MMP25: variants seen among roughly 807,000 people sequenced by gnomAD.
MMP25 encodes matrix metallopeptidase 25, also known as matrix metalloproteinase-25.
In MMP25, 68 loss-of-function variants were observed where a neutral mutation model predicts 62.1. The ratio of observed to expected loss-of-function variants is 1.10; its 90% CI spans 0.90 to 1.34. The LOEUF (loss-of-function observed/expected upper bound fraction) is 1.34, where lower values mean the gene tolerates loss of function less well. Ranked by LOEUF, MMP25 falls within the 40% of genes most tolerant of loss-of-function variation. The pLI is 0.00. For synonymous variants in MMP25, 407 were observed against 345.6 expected, an observed-to-expected ratio of 1.18 and a Z score of -1.97; for missense variants, 942 against 792.5, an observed-to-expected ratio of 1.19 and a Z score of -2.26.
Position 3,058,594 on chromosome 16 carries a change from C to A in MMP25, c.1342C>A (p.Pro448Thr). Reference protein sequence around the residue: ...RYDEAAARPDPGYPRDLSLWE... With the variant: ...RYDEAAARPDTGYPRDLSLWE... Reference sequence around the variant, plus strand: ...CGACGAGGCGGCGGCGCGCCCGGACCCCGGCTACCCTCGCGACCTGAGCCT... The same window carrying A: ...CGACGAGGCGGCGGCGCGCCCGGACACCGGCTACCCTCGCGACCTGAGCCT... The change falls in exon 9 of 10, where the codon CCC becomes ACC. Residue 448 changes from proline (P) to threonine (T), a missense_variant. Coordinates refer to ENST00000336577, the MANE Select transcript of MMP25 (RefSeq NM_022468.5). 1.2e-6 allele frequency: 2 copies of A among 1,607,714 alleles called. No homozygotes were observed. The highest frequency in any genetic ancestry group is 1.7e-6 in the Non-Finnish European group (2 of 1,178,008).
rs906691893 is a variant in MMP25, at chr16:3,047,057, A to T, written c.99+41A>T. 17 of 1,395,598 alleles carry T rather than the reference A, an allele frequency of 1.2e-5. No homozygotes were observed. In the African/African-American group the frequency reaches 2.4e-4, roughly 20 times the overall value. The allele number at this position is 1,395,598 out of a possible 1,614,324, so 86.5% of individuals were successfully genotyped here. The stretch of plus-strand genomic sequence containing the variant: ...GCAGGCTCCTGGGGTCTGCAGAGAG[A>T]TTGGGAGAGGGAAGCCGGGCCCGGA... On this transcript the variant is annotated intron_variant, in intron 1 of 9. Transcript: ENST00000336577.
rs1416248489 is a variant in MMP25, at chr16:3,056,864, G to A, written c.662-169G>A. On this transcript the variant is annotated intron_variant, in intron 4 of 9. Coordinates refer to ENST00000336577, the MANE Select transcript of MMP25 (RefSeq NM_022468.5). ...TCACAGCCATGCTGACTGAGTGACT[G>A]GAGACAGGGATGATGGAGAGTTCAG... is the stretch of plus-strand genomic sequence containing the variant. 4 of 608,758 alleles carry A rather than the reference G, an allele frequency of 6.6e-6. No individual in the cohort carries two copies. In the East Asian group the frequency reaches 9.1e-5, roughly 14 times the overall value. 37.7% of individuals were successfully genotyped at this position (608,758 alleles called of 1,614,324 possible).
chr16:3,053,384 G>C (rs2151157361), intron 4 of MMP25: 1 of 150,732 alleles, frequency 6.6e-6, no homozygotes, highest in African/African-American at 2.4e-5. Context: ...AAGTAAGTCA[G>C]GGTTCTTCCA....
In MMP25 at chr16:3,058,230, A is replaced by C; in HGVS notation, c.1056A>C (p.Arg352=). 1 of 1,610,934 alleles carries C rather than the reference A, an allele frequency of 6.2e-7. No individual in the cohort carries two copies. The highest frequency in any genetic ancestry group is 8.5e-7 in the Non-Finnish European group (1 of 1,178,920). ...LQPSGQLVSP[R]PARLHRFWEG... is the part of the protein sequence containing the mutation. ...CCTCCGGACAGCTGGTGTCCCCGCG[A>C]CCCGCACGGCTGCACCGCTTCTGGG... The change falls in exon 8 of 10, where the codon CGA becomes CGC. Residue 352 remains arginine, a synonymous_variant. Transcript: ENST00000336577.
rs1473462111 is a variant in MMP25, at chr16:3,060,122, C to T, written c.*1024C>T. ...GCTCTAGAGTGAGGGGTGGGTGGAACCTGGGGGCACCTCGTTCACCCTGTC... is the reference window on the plus strand; with the variant it reads ...GCTCTAGAGTGAGGGGTGGGTGGAATCTGGGGGCACCTCGTTCACCCTGTC... On this transcript the variant is annotated 3_prime_UTR_variant, in exon 10 of 10. Transcript: ENST00000336577. The T allele has an allele frequency of 6.6e-6, 1 of 152,292 alleles. No individual in the cohort carries two copies. Among genetic ancestry groups the T allele is most frequent in the African/African-American group, 2.4e-5 (1 of 41,376 alleles). The allele number at this position is 152,292 out of a possible 1,614,324, so 9.4% of individuals were successfully genotyped here.
At chr16:3,050,836 G>T (rs766627570) in intron 4 of MMP25, among the ~76,000 whole-genome samples, 1 of 152,042 alleles carries the variant, frequency 6.6e-6, no homozygotes, top group Non-Finnish European at 1.5e-5. Flanking sequence ...ATCTTGCTCA[G>T]GCTGGAGTGC....
intron 7 of MMP25, 115 bp from the exon 8 acceptor site, chr16:3,058,066 G>A (rs1393866071): frequency 2.3e-6 from 3 of 1,281,608 alleles, no homozygotes; most frequent in East Asian, 2.4e-5. Flanking sequence ...GGTCACCCTA[G>A]ATCCATTGCG....
chr16:3,060,036 G>C lies in MMP25; in HGVS notation c.*938G>C, dbSNP rs1042479933. The C allele has an allele frequency of 1.3e-5, 2 of 152,242 alleles. No homozygotes were observed. The highest frequency in any genetic ancestry group is 4.8e-5 in the African/African-American group (2 of 41,400). The allele number at this position is 152,242 out of a possible 1,614,324, so 9.4% of individuals were successfully genotyped here. ...AACTCAACGCTGGTGGAAAGACAGG[G>C]ACCGAACCCTGGCTCAGGCCTGGTC... On this transcript the variant is annotated 3_prime_UTR_variant, in exon 10 of 10. Transcript: ENST00000336577.
At chr16:3,049,735 A>C (rs1453751646) in intron 2 of MMP25, among the ~76,000 whole-genome samples, 2 of 152,172 alleles carry the variant, frequency 1.3e-5, no homozygotes, top group Non-Finnish European at 2.9e-5. Context: ...GCTGGATGCA[A>C]AATCCTGGCC....
rs761529473 is a variant in MMP25, at chr16:3,058,382, A to G, written c.1160-30A>G. Reference sequence around the variant, plus strand: ...GCGCTGGGGCCGGCGCGGGGAGCCCACCCCTGACCTCCCGGCCTCCACCCT... The same window carrying G: ...GCGCTGGGGCCGGCGCGGGGAGCCCGCCCCTGACCTCCCGGCCTCCACCCT... On this transcript the variant is annotated intron_variant, in intron 8 of 9. Coordinates refer to ENST00000336577, the MANE Select transcript of MMP25 (RefSeq NM_022468.5). 13 of 1,496,688 alleles carry G rather than the reference A, an allele frequency of 8.7e-6. No homozygotes were observed. In the African/African-American group the frequency reaches 1.2e-4, roughly 13 times the overall value. 92.7% of individuals were successfully genotyped at this position (1,496,688 alleles called of 1,614,324 possible).
chr16:3,055,736 CTTAG>C (rs1353356481), intron 4 of MMP25: 2 of 434,982 alleles, frequency 4.6e-6, no homozygotes, highest in East Asian at 7.0e-5. Context: ...CAGTGCTGAC[CTTAG>C]TTAGAGATGG....
chr16:3,058,007 C>T (rs899809418), intron 7 of MMP25, 174 bp from the exon 8 acceptor site: 2 of 720,670 alleles, frequency 2.8e-6, no homozygotes, highest in East Asian at 2.9e-5. Flanking sequence ...AAGGCCCTGG[C>T]ACTTTTAGCG....
Position 3,047,044 on chromosome 16 carries a change from G to C in MMP25, c.99+28G>C, listed in dbSNP as rs888394413. On this transcript the variant is annotated intron_variant, in intron 1 of 9. Transcript: ENST00000336577. The stretch of plus-strand genomic sequence containing the variant: ...GAGCGCGGGGTCCGCAGGCTCCTGG[G>C]GTCTGCAGAGAGATTGGGAGAGGGA... 5.0e-6 allele frequency: 7 copies of C among 1,412,264 alleles called. No individual in the cohort carries two copies. In the African/African-American group the frequency reaches 1.1e-4, roughly 21 times the overall value. 87.5% of individuals were successfully genotyped at this position (1,412,264 alleles called of 1,614,324 possible).
At chr16:3,057,276 G>C (rs748901822) in intron 5 of MMP25, 34 bp from the exon 6 acceptor site, 1 of 1,613,986 alleles carries the variant, frequency 6.2e-7, no homozygotes, top group Non-Finnish European at 8.5e-7. Context: ...AGCAGGGCCA[G>C]GGGACGCACA....
chr16:3,056,280 G>A (rs1457505905), intron 4 of MMP25: 2 of 230,226 alleles, frequency 8.7e-6, no homozygotes, highest in Non-Finnish European at 1.8e-5. Context: ...ATAGACTGTA[G>A]CTGGGAGGAG....
chr16:3,049,102 C>A (rs1955862180), intron 2 of MMP25, among the ~76,000 whole-genome samples: 1 of 151,956 alleles, frequency 6.6e-6, no homozygotes, highest in Non-Finnish European at 1.5e-5. Flanking sequence ...GCCACCGTGC[C>A]CGGCTTTGAC....
At chr16:3,057,893 G>A (rs1312098687) in intron 7 of MMP25, 1 of 581,710 alleles carries the variant, frequency 1.7e-6, no homozygotes, top group East Asian at 2.9e-5. Context: ...TTGTAGAGAT[G>A]GAGTCTCACT....
intron 5 of MMP25, 23 bp downstream of exon 5, chr16:3,057,232 C>G: frequency 6.2e-7 from 1 of 1,613,586 alleles, no homozygotes; most frequent in Non-Finnish European, 8.5e-7. Context: ...GGACCTGCCG[C>G]GAAACCATCA....
chr16:3,052,497 G>C (rs1955919428), intron 4 of MMP25: 1 of 152,316 alleles, frequency 6.6e-6, no homozygotes, highest in Non-Finnish European at 1.5e-5. Context: ...CAGGGAGGCA[G>C]GAAGTTCTCG....
Sources: allele counts gnomAD v4.1 joint callset (sites outside exome capture counted in the v4.1 genomes callset), GRCh38; gene constraint gnomAD v4.1.1; transcripts MANE v1.5; gene names NCBI Gene and HGNC (gene_info 2026-07-23, HGNC 2026-07-21).